PAK5: variants seen among roughly 807,000 people sequenced by gnomAD.
The protein encoded by PAK5 is p21 (RAC1) activated kinase 5, also known as serine/threonine-protein kinase PAK 5.
Under a neutral mutation model 65.9 loss-of-function variants are expected in PAK5, and 16 were observed. The ratio of observed to expected loss-of-function variants is 0.24; its 90% CI spans 0.16 to 0.37. The LOEUF is 0.37. Among genes scored for constraint, PAK5 ranks in the 10% least tolerant of loss-of-function variants. The probability of loss-of-function intolerance (pLI) is 1.00; values close to 1 mark genes in which losing one functional copy is unlikely to be tolerated. For synonymous variants in PAK5, 371 were observed against 354.9 expected, an observed-to-expected ratio of 1.05 and a Z score of -0.51; for missense variants, 785 against 903.9, an observed-to-expected ratio of 0.87 and a Z score of 1.69.
At chr20:9,664,205 C>T (rs1600215453) in intron 2 of PAK5, among the ~76,000 whole-genome samples, 1 of 152,146 alleles carries the variant, frequency 6.6e-6, no homozygotes, top group Admixed American at 6.5e-5. Flanking sequence ...ATTATCTCAC[C>T]TGAGCAAGGC....
At chr20:9,661,973 A>G (rs533069799) in intron 2 of PAK5, among the ~76,000 whole-genome samples, 4 of 152,116 alleles carry the variant, frequency 2.6e-5, no homozygotes, top group Non-Finnish European at 4.4e-5. Flanking sequence ...TCTTCTCTGG[A>G]CAATAGCTGG....
Position 9,692,550 on chromosome 20 carries a change from T to C in PAK5, c.-12+18736A>G, listed in dbSNP as rs186844215. On this transcript the variant is annotated intron_variant, in intron 2 of 9. Transcript: ENST00000353224. ...AGTTCAACACTAAAGGAATTCTAACTCTCAGTGATTTTTTTAAAACAGATG... is the reference window on the plus strand; with the variant it reads ...AGTTCAACACTAAAGGAATTCTAACCCTCAGTGATTTTTTTAAAACAGATG... 6.6e-5 allele frequency among the ~76,000 whole-genome samples: 10 copies of C among 152,274 alleles called. No individual in the cohort carries two copies. The East Asian group carries it at 1.5e-3, about 23-fold the overall frequency.
rs150398793 is a variant in PAK5, at chr20:9,563,187, T to C, written c.1483-163A>G. Among the ~76,000 whole-genome samples, 8 of 152,196 alleles carry C rather than the reference T, an allele frequency of 5.3e-5. No individual in the cohort carries two copies. The East Asian group carries it at 1.4e-3, about 26-fold the overall frequency. On this transcript the variant is annotated intron_variant, in intron 5 of 9. Transcript: ENST00000353224. ...GACAAAAAGCATCAAGGGTAGCTAG[T>C]AGAAATAAAAGGAATCAAGGTAGCA...
intron 1 of PAK5, among the ~76,000 whole-genome samples, chr20:9,789,125 G>T (rs544327143): frequency 2.0e-4 from 30 of 152,200 alleles, no homozygotes; most frequent in Non-Finnish European, 3.5e-4. Context: ...GTAGAAGTTT[G>T]TACTGGCTGC....
chr20:9,700,751 G>A (rs927240580), intron 2 of PAK5, among the ~76,000 whole-genome samples: 1 of 152,138 alleles, frequency 6.6e-6, no homozygotes, highest in Non-Finnish European at 1.5e-5. Context: ...AGTGCAGATA[G>A]GATTTGCATT....
chr20:9,772,776 C>A (rs1419101911), intron 1 of PAK5, among the ~76,000 whole-genome samples: 1 of 152,184 alleles, frequency 6.6e-6, no homozygotes, highest in Non-Finnish European at 1.5e-5. Flanking sequence ...AGAGACTTTC[C>A]TCCTATTTCA....
chr20:9,720,192 C>A (rs1407484502), intron 1 of PAK5, among the ~76,000 whole-genome samples: 1 of 152,156 alleles, frequency 6.6e-6, no homozygotes, highest in Non-Finnish European at 1.5e-5. Flanking sequence ...GGATTCTTAA[C>A]TGGGGGTCGT....
chr20:9,650,236 C>T (rs1049740745), intron 2 of PAK5, among the ~76,000 whole-genome samples: 1 of 152,190 alleles, frequency 6.6e-6, no homozygotes, highest in African/African-American at 2.4e-5. Flanking sequence ...GTGGTTAATA[C>T]TGCTCATAAT....
At chr20:9,698,645 C>T (rs2047900358) in intron 2 of PAK5, among the ~76,000 whole-genome samples, 1 of 152,124 alleles carries the variant, frequency 6.6e-6, no homozygotes, top group Non-Finnish European at 1.5e-5. Flanking sequence ...TTGTTTCATA[C>T]CAAACTTAAG....
At chr20:9,641,930 G>A (rs980511052) in intron 3 of PAK5, among the ~76,000 whole-genome samples, 18 of 152,270 alleles carry the variant, frequency 1.2e-4, no homozygotes, top group South Asian at 4.1e-4. Context: ...CAGCTGGCCC[G>A]CAAGCACCGC....
chr20:9,806,655 C>CAT (rs1238840832), intron 1 of PAK5, among the ~76,000 whole-genome samples: 1 of 152,128 alleles, frequency 6.6e-6, no homozygotes, highest in African/African-American at 2.4e-5. Flanking sequence ...TCTAAGTCAG[C>CAT]ATCCTCAGCT....
chr20:9,556,310 C>A (rs1471844729), intron 7 of PAK5, among the ~76,000 whole-genome samples: 1 of 152,228 alleles, frequency 6.6e-6, no homozygotes, highest in Non-Finnish European at 1.5e-5. Flanking sequence ...TAGGAGTGAT[C>A]TTTGTCTTAT....
intron 1 of PAK5, among the ~76,000 whole-genome samples, chr20:9,767,491 CTA>C (rs1249689125): frequency 6.6e-6 from 1 of 152,156 alleles, no homozygotes; most frequent in Non-Finnish European, 1.5e-5. Context: ...TATTATTTGT[CTA>C]TGTTTCTTTT....
chr20:9,540,147 A>G (rs190103247), intron 9 of PAK5, among the ~76,000 whole-genome samples: 44 of 152,270 alleles, frequency 2.9e-4, no homozygotes, highest in Middle Eastern at 3.4e-3. Flanking sequence ...AGGTCTCACT[A>G]TGTTGCCCAG....
At chr20:9,783,901 TTAAC>T (rs1849364159) in intron 1 of PAK5, among the ~76,000 whole-genome samples, 1 of 152,172 alleles carries the variant, frequency 6.6e-6, no homozygotes, top group Non-Finnish European at 1.5e-5. Flanking sequence ...AAAAATTATT[TTAAC>T]TAACCCAATT....
chr20:9,727,633 C>G (rs2048291032), intron 1 of PAK5, among the ~76,000 whole-genome samples: 1 of 141,390 alleles, frequency 7.1e-6, no homozygotes, highest in South Asian at 2.6e-4. Flanking sequence ...GAGAGCTGTC[C>G]CTTCTCCCCC....
chr20:9,678,340 G>A (rs1475227455), intron 2 of PAK5, among the ~76,000 whole-genome samples: 2 of 152,222 alleles, frequency 1.3e-5, no homozygotes, highest in African/African-American at 4.8e-5. Context: ...GGCCGAGGCA[G>A]GTGGATCATG....
At chr20:9,716,912 C>T (rs1399730061) in intron 1 of PAK5, among the ~76,000 whole-genome samples, 3 of 151,870 alleles carry the variant, frequency 2.0e-5, no homozygotes, top group Admixed American at 1.3e-4. Flanking sequence ...GGCGAAACCC[C>T]GTCTCCACAG....
At chr20:9,672,934 G>A (rs554675908) in intron 2 of PAK5, among the ~76,000 whole-genome samples, 1 of 152,254 alleles carries the variant, frequency 6.6e-6, no homozygotes, top group East Asian at 1.9e-4. Flanking sequence ...CATTAGATGG[G>A]AAATGTCTAT....
Sources: gnomAD v4.1 joint callset for allele counts (sites outside exome capture counted in the v4.1 genomes callset) on GRCh38, gnomAD v4.1.1 for gene constraint, MANE v1.5 for transcripts, NCBI Gene and HGNC (gene_info 2026-07-23, HGNC 2026-07-21) for gene names.